STAB2: variants seen among roughly 807,000 people sequenced by gnomAD.
The protein encoded by STAB2 is stabilin-2.
A neutral mutation model predicts 338.1 loss-of-function variants in STAB2; 288 were observed. The ratio of observed to expected loss-of-function variants is 0.85; its 90% CI spans 0.77 to 0.94. The LOEUF (loss-of-function observed/expected upper bound fraction) is 0.94, where lower values mean the gene tolerates loss of function less well. Among genes scored for constraint, STAB2 ranks in the 40% least tolerant of loss-of-function variants. STAB2 has a pLI of 0.00. For missense variants in STAB2, 3,141 were observed against 3,210.1 expected, an observed-to-expected ratio of 0.98 and a Z score of 0.52; for synonymous variants, 1,202 against 1,193.3, an observed-to-expected ratio of 1.01 and a Z score of -0.15.
chr12:103,699,364 T>C (rs1878669912), intron 34 of STAB2, 137 bp downstream of exon 34: 4 of 1,143,010 alleles, frequency 3.5e-6, no homozygotes, highest in Non-Finnish European at 2.3e-6. Flanking sequence ...GATAAAGACA[T>C]AGCCAAGACT....
chr12:103,655,392 C>G lies in STAB2; in HGVS notation c.1609-64C>G. On this transcript the variant is annotated intron_variant, in intron 14 of 68. Coordinates refer to ENST00000388887, the MANE Select transcript of STAB2 (RefSeq NM_017564.10). Reference sequence around the variant, plus strand: ...AGGGGTGTCAATTATAAATTTCTGGCGAATTATGTTAAATATTTGTCCAAG... The same window carrying G: ...AGGGGTGTCAATTATAAATTTCTGGGGAATTATGTTAAATATTTGTCCAAG... The G allele has an allele frequency of 3.1e-6, 5 of 1,601,452 alleles. No homozygotes were observed. The Admixed American group carries it at 5.2e-5, about 17-fold the overall frequency.
chr12:103,710,321 G>T (rs1187990983), intron 39 of STAB2, among the ~76,000 whole-genome samples: 1 of 152,150 alleles, frequency 6.6e-6, no homozygotes, highest in East Asian at 1.9e-4. Flanking sequence ...ATTCTACACA[G>T]GAAGTTTCCA....
intron 53 of STAB2, 117 bp from the exon 54 acceptor site, chr12:103,739,295 C>A: frequency 1.1e-6 from 1 of 950,134 alleles, no homozygotes; most frequent in South Asian, 2.3e-5. Context: ...TATTCTTGAT[C>A]ATAGCCAGAG....
intron 3 of STAB2, among the ~76,000 whole-genome samples, chr12:103,618,863 G>T (rs946828616): frequency 6.6e-6 from 1 of 152,090 alleles, no homozygotes; most frequent in Non-Finnish European, 1.5e-5. Flanking sequence ...TAATTCTCAC[G>T]TGTCATGGGA....
chr12:103,634,752 T>C (rs868605077), intron 6 of STAB2, among the ~76,000 whole-genome samples: 17 of 152,242 alleles, frequency 1.1e-4, no homozygotes, highest in African/African-American at 3.6e-4. Context: ...TCCCCCTACA[T>C]GGTGATTAGG....
In STAB2 at chr12:103,766,500, G is replaced by A. The variant is rs1356923956; in HGVS notation, c.*164G>A. 3.9e-6 allele frequency: 3 copies of A among 761,254 alleles called. No individual in the cohort carries two copies. Among genetic ancestry groups the A allele is most frequent in the South Asian group, 1.9e-5 (1 of 53,976 alleles). The allele number at this position is 761,254 out of a possible 1,614,324, so 47.2% of individuals were successfully genotyped here. A position where few individuals can be genotyped will look rare whatever the true frequency, so the allele number is the denominator to read the frequency against. On this transcript the variant is annotated 3_prime_UTR_variant, in exon 69 of 69. Coordinates refer to ENST00000388887, the MANE Select transcript of STAB2 (RefSeq NM_017564.10). Reference sequence around the variant, plus strand: ...GGGGTTGTTTCTGTGGGTGAGAGATGTGTTGCTGTGCCCACCCAGTACAGC... The same window carrying A: ...GGGGTTGTTTCTGTGGGTGAGAGATATGTTGCTGTGCCCACCCAGTACAGC...
chr12:103,594,922 T>C (rs2138540939), intron 3 of STAB2, among the ~76,000 whole-genome samples: 1 of 152,130 alleles, frequency 6.6e-6, no homozygotes, highest in Admixed American at 6.6e-5. Flanking sequence ...ATTCTAAAAA[T>C]TTGTCTTAGG....
chr12:103,592,421 A>G (rs1234319050), intron 2 of STAB2, among the ~76,000 whole-genome samples: 1 of 152,188 alleles, frequency 6.6e-6, no homozygotes, highest in Admixed American at 6.5e-5. Flanking sequence ...ACACACACAC[A>G]GGATAAAACT....
chr12:103,679,201 C>G (rs572595786), intron 25 of STAB2, among the ~76,000 whole-genome samples: 1 of 152,082 alleles, frequency 6.6e-6, no homozygotes, highest in South Asian at 2.1e-4. Flanking sequence ...CATGGAGAAA[C>G]CCCATGTCTA....
intron 5 of STAB2, among the ~76,000 whole-genome samples, chr12:103,624,940 CAAAAAAAAAAAA>C (rs55862855): frequency 9.0e-6 from 1 of 111,144 alleles, no homozygotes; most frequent in African/African-American, 3.5e-5. Context: ...GACTCCATCT[CAAAAAAAAAAAA>C]AAAAAAAAAG....
rs199916393 is a variant in STAB2, at chr12:103,745,274, G to A, written c.6133G>A (p.Ala2045Thr). The A allele has an allele frequency of 6.2e-6, 10 of 1,612,976 alleles. No individual in the cohort carries two copies. The East Asian group carries it at 1.8e-4, about 29-fold the overall frequency. The change falls in exon 57 of 69, where the codon GCA becomes ACA. Residue 2045 changes from alanine to threonine, a missense_variant. Coordinates refer to ENST00000388887, the MANE Select transcript of STAB2 (RefSeq NM_017564.10). ...GWTGPSCDTQ[A>T]VLPAVCTPPC... ...GACAGGCCCCTCGTGTGACACTCAGGCAGGTCAGTCATGGGAGTGGTCAGC... is the reference window on the plus strand; with the variant it reads ...GACAGGCCCCTCGTGTGACACTCAGACAGGTCAGTCATGGGAGTGGTCAGC...
In STAB2 at chr12:103,745,193, G is replaced by A. The variant is rs147098799; in HGVS notation, c.6052G>A (p.Gly2018Arg). 1.6e-4 allele frequency: 259 copies of A among 1,613,826 alleles called. No homozygotes were observed. The highest frequency in any genetic ancestry group is 2.0e-4 in the Non-Finnish European group (232 of 1,179,962). ...DCLPCGCSDH[G>R]QCDDGITGSG... ...TACAGCCTGTGGCTGCTCAGACCAC[G>A]GACAGTGCGATGATGGCATCACGGG... The change falls in exon 57 of 69, where the codon GGA becomes AGA. Residue 2018 changes from glycine to arginine, a missense_variant. Physicochemically the swap from Gly to Arg is moderately radical, Grantham distance 125. Transcript: ENST00000388887.
chr12:103,724,886 T>C (rs1278970678), intron 44 of STAB2, 89 bp from the exon 45 acceptor site: 1 of 1,564,706 alleles, frequency 6.4e-7, no homozygotes, highest in Non-Finnish European at 8.7e-7. Flanking sequence ...AAAAATGAAT[T>C]CAAACGCAGA....
intron 5 of STAB2, among the ~76,000 whole-genome samples, chr12:103,630,192 T>C (rs1565972107): frequency 1.3e-5 from 2 of 152,128 alleles, no homozygotes; most frequent in Non-Finnish European, 2.9e-5. Context: ...GCTACTGCAA[T>C]AGTCCAGGCA....
chr12:103,765,973 T>A (rs1191284119), intron 68 of STAB2: 5 of 467,512 alleles, frequency 1.1e-5, no homozygotes, highest in Non-Finnish European at 2.0e-5. Flanking sequence ...TTGCTAAATG[T>A]AGGCTCTAAT....
Position 103,713,645 on chromosome 12 carries a change from A to G in STAB2, c.4414A>G (p.Ile1472Val), listed in dbSNP as rs371581588. Residue 1472 changes from isoleucine (I) to valine (V), a missense_variant and splice_region_variant, in exon 42 of 69, where the codon ATC becomes GTC. Coordinates refer to ENST00000388887, the MANE Select transcript of STAB2 (RefSeq NM_017564.10). ...CTGCTCTGTGTCATCTTCTATAGCAATCAATGCCTGTGAGATCAGCAATGG... is the reference window on the plus strand; with the variant it reads ...CTGCTCTGTGTCATCTTCTATAGCAGTCAATGCCTGTGAGATCAGCAATGG... ...FQGNGTICTA[I>V]NACEISNGGC... 6 of 1,613,750 alleles carry G rather than the reference A, an allele frequency of 3.7e-6. No homozygotes were observed. In the African/African-American group the frequency reaches 8.0e-5, roughly 22 times the overall value.
At chr12:103,748,130 T>C (rs1347258015) in intron 58 of STAB2, among the ~76,000 whole-genome samples, 1 of 152,234 alleles carries the variant, frequency 6.6e-6, no homozygotes, top group East Asian at 1.9e-4. Context: ...ATACTTTCTT[T>C]ACACAAATTA....
At position 103,758,244 on chromosome 12, in the gene STAB2, C is replaced by T. The variant is rs375356533; in HGVS notation, c.7062C>T (p.Arg2354=). Residue 2354 remains arginine, a synonymous_variant, in exon 64 of 69, where the codon CGC becomes CGT. Coordinates refer to ENST00000388887, the MANE Select transcript of STAB2 (RefSeq NM_017564.10). ...AACACCTGACTGACCTGTCCATCCG[C>T]GGCACCCTCTTTGTGCCACAGAACA... ...FLEHLTDLSI[R]GTLFVPQNSG... is the part of the protein sequence containing the mutation. The T allele has an allele frequency of 2.1e-5, 34 of 1,613,958 alleles. No homozygotes were observed. In the East Asian group the frequency reaches 4.5e-4, roughly 21 times the overall value.
chr12:103,662,318 G>A (rs1019330065), intron 17 of STAB2, among the ~76,000 whole-genome samples: 7 of 152,134 alleles, frequency 4.6e-5, no homozygotes, highest in African/African-American at 1.4e-4. Flanking sequence ...GAATGAAGCT[G>A]TCATTAATAC....
Sources: gnomAD v4.1 joint callset for allele counts (sites outside exome capture counted in the v4.1 genomes callset) on GRCh38, gnomAD v4.1.1 for gene constraint, MANE v1.5 for transcripts, NCBI Gene and HGNC (gene_info 2026-07-23, HGNC 2026-07-21) for gene names.